ASAP2: variants seen among roughly 807,000 people sequenced by gnomAD.
ASAP2 encodes arf-GAP with SH3 domain, ANK repeat and PH domain-containing protein 2.
ASAP2 carries 45 observed loss-of-function variants against 131.4 expected under a neutral mutation model. The ratio of observed to expected loss-of-function variants is 0.34; its 90% CI spans 0.27 to 0.44. The LOEUF (loss-of-function observed/expected upper bound fraction) is 0.44, where lower values mean the gene tolerates loss of function less well. Among genes scored for constraint, ASAP2 ranks in the 20% least tolerant of loss-of-function variants. The probability of loss-of-function intolerance (pLI) is 1.00; values close to 1 mark genes in which losing one functional copy is unlikely to be tolerated. For synonymous variants in ASAP2, 510 were observed against 503.0 expected (o/e 1.01, Z -0.19); for missense variants, 1,011 against 1,297.0 (o/e 0.78, Z 3.39).
At chr2:9,368,217 C>T (rs868525569) in intron 15 of ASAP2, among the ~76,000 whole-genome samples, 4 of 152,184 alleles carry the variant, frequency 2.6e-5, no homozygotes, top group Admixed American at 6.5e-5. Context: ...TATGACAATG[C>T]GTCTCTGTAA....
chr2:9,395,810 G>T (rs933336343), intron 24 of ASAP2, among the ~76,000 whole-genome samples: 10 of 151,314 alleles, frequency 6.6e-5, no homozygotes, highest in African/African-American at 2.4e-4. Context: ...GGTTTCACCG[G>T]GTTAGCCAGG....
chr2:9,316,680 TC>T (rs1031655771), intron 3 of ASAP2, among the ~76,000 whole-genome samples: 1 of 152,158 alleles, frequency 6.6e-6, no homozygotes, highest in Non-Finnish European at 1.5e-5. Context: ...TGAAGGCTCT[TC>T]CTGACTGAAG....
intron 3 of ASAP2, among the ~76,000 whole-genome samples, chr2:9,313,001 G>C (rs767052804): frequency 3.9e-5 from 6 of 152,206 alleles, no homozygotes; most frequent in Non-Finnish European, 8.8e-5. Context: ...GGAGGTTGCA[G>C]TGAGCCAAGA....
chr2:9,247,810 A>G (rs1237058021), intron 1 of ASAP2, among the ~76,000 whole-genome samples: 1 of 152,150 alleles, frequency 6.6e-6, no homozygotes, highest in Non-Finnish European at 1.5e-5. Context: ...TTTAAACTTC[A>G]TGTGCCTCGG....
Position 9,374,925 on chromosome 2 carries a change from T to A in ASAP2, c.1727T>A (p.Ile576Asn). Residue 576 changes from isoleucine (I) to asparagine (N), a missense_variant, in exon 17 of 28, where the codon ATC becomes AAC. Transcript: ENST00000281419. Reference protein sequence around the residue: ...YADGVDLTEKIPLANGHEPDE... With the variant: ...YADGVDLTEKNPLANGHEPDE... Reference sequence around the variant, plus strand: ...GATGGTGTGGATCTTACGGAAAAAATCCCACTGGCCAACGGACATGTAAGA... The same window carrying A: ...GATGGTGTGGATCTTACGGAAAAAAACCCACTGGCCAACGGACATGTAAGA... 2.5e-6 allele frequency: 4 copies of A among 1,597,326 alleles called. No homozygotes were observed. The highest frequency in any genetic ancestry group is 3.4e-6 in the Non-Finnish European group (4 of 1,174,124).
intron 6 of ASAP2, among the ~76,000 whole-genome samples, chr2:9,324,590 A>C (rs1670362602): frequency 6.6e-6 from 1 of 152,122 alleles, no homozygotes; most frequent in African/African-American, 2.4e-5. Context: ...CTGGCTTTTT[A>C]ATAGCAGACA....
chr2:9,376,881 C>T (rs1304719562), intron 17 of ASAP2, 27 bp from the exon 18 acceptor site: 1 of 1,604,702 alleles, frequency 6.2e-7, no homozygotes, highest in Non-Finnish European at 8.5e-7. Context: ...CATTAGAATT[C>T]TGGAATGCCT....
At chr2:9,257,293 A>AGGG (rs144820582) in intron 1 of ASAP2, among the ~76,000 whole-genome samples, 43,959 of 152,034 alleles carry the variant, frequency 0.29, 6,595 homozygotes, top group African/African-American at 0.39. Flanking sequence ...GTCTGAAAGC[A>AGGG]GGGACTGTTT....
In ASAP2 at chr2:9,391,159, C is replaced by G; in HGVS notation, c.2481C>G (p.Val827=). The G allele has an allele frequency of 1.2e-6, 2 of 1,614,200 alleles. No homozygotes were observed. Among genetic ancestry groups the G allele is most frequent in the Non-Finnish European group, 1.7e-6 (2 of 1,180,018 alleles). ...RQRSSSDPPA[V]HPPLPPLRVT... is the part of the protein sequence containing the mutation. ...GATCTTCGTCAGATCCGCCAGCTGT[C>G]CATCCACCGCTGCCCCCTCTTCGCG... Residue 827 remains valine, a synonymous_variant, in exon 23 of 28, where the codon GTC becomes GTG. Coordinates refer to ENST00000281419, the MANE Select transcript of ASAP2 (RefSeq NM_003887.3).
At chr2:9,317,652 A>G (rs1318591056) in intron 3 of ASAP2, among the ~76,000 whole-genome samples, 1 of 150,130 alleles carries the variant, frequency 6.7e-6, no homozygotes, top group Non-Finnish European at 1.5e-5. Context: ...ACATTTACAC[A>G]CTTACACAAT....
At chr2:9,356,433 C>T in intron 14 of ASAP2, 88 bp downstream of exon 14, 1 of 1,391,218 alleles carries the variant, frequency 7.2e-7, no homozygotes, top group African/African-American at 1.4e-5. Context: ...TTTTCACTTT[C>T]ATTTCAAACA....
At chr2:9,356,492 T>G in intron 14 of ASAP2, 147 bp downstream of exon 14, 1 of 1,001,734 alleles carries the variant, frequency 1.0e-6, no homozygotes, top group Non-Finnish European at 1.4e-6. Flanking sequence ...CACAAATGCT[T>G]AATGAACTGT....
chr2:9,388,162 C>G, intron 21 of ASAP2, 132 bp from the exon 22 acceptor site: 3 of 1,137,666 alleles, frequency 2.6e-6, no homozygotes, highest in East Asian at 2.6e-5. Context: ...TCTCAGGCAA[C>G]AGTTGAGAGC....
At position 9,268,583 on chromosome 2, in the gene ASAP2, C is replaced by T. The variant is rs1241647386; in HGVS notation, c.127-10734C>T. On this transcript the variant is annotated intron_variant, in intron 1 of 27. Transcript: ENST00000281419. The surrounding 1 kb of genome is among the most constrained non-coding windows in gnomAD (Gnocchi z 4.1). ...GGCTTCTGGAAATATTTGACACTGT[C>T]ATTAATGCTCTCTGTTACTTTCTGA... 6.6e-6 allele frequency among the ~76,000 whole-genome samples: 1 copy of T among 152,192 alleles called. No homozygotes were observed. The highest frequency in any genetic ancestry group is 1.9e-4 in the East Asian group (1 of 5,196).
chr2:9,239,434 A>G (rs982162702), intron 1 of ASAP2, among the ~76,000 whole-genome samples: 4 of 144,660 alleles, frequency 2.8e-5, no homozygotes, highest in African/African-American at 1.1e-4. Flanking sequence ...TATTTTGGGT[A>G]GAATGAAATC....
Position 9,388,444 on chromosome 2 carries a change from G to A in ASAP2, c.2281G>A (p.Glu761Lys), listed in dbSNP as rs1675459586. 2 of 1,614,048 alleles carry A rather than the reference G, an allele frequency of 1.2e-6. No individual in the cohort carries two copies. The highest frequency in any genetic ancestry group is 1.7e-6 in the Non-Finnish European group (2 of 1,180,040). The change falls in exon 22 of 28, where the codon GAG (glutamate) becomes AAG (lysine). Residue 761 changes from glutamate to lysine, a missense_variant. Glu to Lys is a moderately conservative substitution (Grantham distance 56, BLOSUM62 1). Around this residue, in one of 2 missense-constraint regions of ASAP2, gnomAD observed 652 missense variants for 698.9 expected, o/e 0.93. Coordinates refer to ENST00000281419, the MANE Select transcript of ASAP2 (RefSeq NM_003887.3). Reference protein sequence around the residue: ...RAFMPSILQNETYGALLSGSP... With the variant: ...RAFMPSILQNKTYGALLSGSP... ...TTTCATGCCCAGCATCTTGCAGAAT[G>A]AGACTTACGGAGCCCTCCTGAGTGG...
rs58605449 is a variant in ASAP2, at chr2:9,286,447, A to AAATATATATATAT, written c.199+7059_199+7060insATATATATATATA. On this transcript the variant is annotated intron_variant, in intron 2 of 27. Transcript: ENST00000281419. The stretch of plus-strand genomic sequence containing the variant: ...TTTTTTTTAAAAAAGGAAAAAAAAA[A>AAATATATATATAT]ATATATATATATATACTGTATCTGA... Among the ~76,000 whole-genome samples, 480 of 148,434 alleles carry AAATATATATATAT rather than the reference A, an allele frequency of 3.2e-3. 4 individuals carry two copies. In the East Asian group the frequency reaches 0.037, roughly 11 times the overall value.
chr2:9,317,033 TTCCCAATCAC>T (rs1218348390), intron 3 of ASAP2, among the ~76,000 whole-genome samples: 1 of 125,976 alleles, frequency 7.9e-6, no homozygotes, highest in African/African-American at 2.9e-5. Flanking sequence ...CATGCAATCA[TTCCCAATCAC>T]TCACATCCAC....
chr2:9,382,231 G>A (rs1017597543), intron 20 of ASAP2, among the ~76,000 whole-genome samples: 8 of 152,072 alleles, frequency 5.3e-5, no homozygotes, highest in African/African-American at 1.9e-4. Flanking sequence ...CAATCCACCC[G>A]CCTTGGCCTC....
Sources: gnomAD v4.1 joint callset for allele counts (sites outside exome capture counted in the v4.1 genomes callset) on GRCh38, gnomAD v4.1.1 for gene constraint, gnomAD v4.1.1 regional missense constraint, Gnocchi (gnomAD v3.1) non-coding constraint, MANE v1.5 for transcripts, NCBI Gene and HGNC (gene_info 2026-07-23, HGNC 2026-07-21) for gene names.